The following AP1B1 variants were observed in gnomAD, a reference collection of about 807,000 sequenced individuals.
The protein encoded by AP1B1 is adaptor related protein complex 1 subunit beta 1.
Under a neutral mutation model 104.3 loss-of-function variants are expected in AP1B1, and 36 were observed. The observed-to-expected ratio is 0.35, with a 90% CI of 0.26 to 0.46. AP1B1 has a LOEUF of 0.46. Among genes scored for constraint, AP1B1 ranks in the 20% least tolerant of loss-of-function variants. The probability of loss-of-function intolerance (pLI) is 1.00; values close to 1 mark genes in which losing one functional copy is unlikely to be tolerated. For synonymous variants in AP1B1, 504 were observed against 517.5 expected (o/e 0.97, Z 0.35); for missense variants, 901 against 1,247.9 (o/e 0.72, Z 4.19).
chr22:29,331,549 T>G lies in AP1B1; in HGVS notation c.2440-16A>C, dbSNP rs753734031. The G allele has an allele frequency of 1.2e-6, 2 of 1,613,862 alleles. No individual in the cohort carries two copies. Among genetic ancestry groups the G allele is most frequent in the Non-Finnish European group, 1.7e-6 (2 of 1,179,924 alleles). On this transcript the variant is annotated splice_polypyrimidine_tract_variant and intron_variant, in intron 18 of 22. Transcript: ENST00000357586. ...TCACGGCCACCTAGGCACAAGGGGG[T>G]CCCCAGTCAGTCTCTGGGGCTTGAC...
At chr22:29,336,515 C>A (rs554482911) in intron 16 of AP1B1, among the ~76,000 whole-genome samples, 2 of 152,266 alleles carry the variant, frequency 1.3e-5, no homozygotes, top group Admixed American at 1.3e-4. Flanking sequence ...GTAAGACAAA[C>A]ACATGGCTGG....
Position 29,335,397 on chromosome 22 carries a change from C to G in AP1B1, c.2164-987G>C, listed in dbSNP as rs141802602. 2.5e-3 allele frequency among the ~76,000 whole-genome samples: 377 copies of G among 152,254 alleles called. 13 individuals are homozygous for G. The East Asian group carries it at 0.065, about 26-fold the overall frequency. On this transcript the variant is annotated intron_variant, in intron 16 of 22. Transcript: ENST00000357586. ...GCCAGGCCAGAAACCACAGAAACAT[C>G]AGGCACCAGCCCCCCACCCCACCCT... is the stretch of plus-strand genomic sequence containing the variant.
chr22:29,371,587 C>T (rs562640682), intron 1 of AP1B1, among the ~76,000 whole-genome samples: 106 of 152,114 alleles, frequency 7.0e-4, no homozygotes, highest in Non-Finnish European at 1.2e-3. Flanking sequence ...AAAAATTAGC[C>T]GGGTGTGGTG....
At chr22:29,335,922 C>T (rs2061631495) in intron 16 of AP1B1, among the ~76,000 whole-genome samples, 1 of 152,178 alleles carries the variant, frequency 6.6e-6, no homozygotes, top group Non-Finnish European at 1.5e-5. Context: ...TGAACCTGAC[C>T]GGGGGGCATG....
chr22:29,365,248 C>T (rs2062116195), intron 2 of AP1B1, among the ~76,000 whole-genome samples: 1 of 152,142 alleles, frequency 6.6e-6, no homozygotes, highest in African/African-American at 2.4e-5. Context: ...CTTTGCTTTC[C>T]TAAACCTGTT....
chr22:29,356,415 A>C lies in AP1B1; in HGVS notation c.716+11T>G, dbSNP rs548709451. ...CAAGCTGGGCTGGCAAGCAACGGGC[A>C]GCCCGCTCACCTCTGGGCCTCGCGG... On this transcript the variant is annotated intron_variant, in intron 6 of 22. Transcript: ENST00000357586. The C allele has an allele frequency of 1.0e-5, 16 of 1,601,798 alleles. No homozygotes were observed. In the East Asian group the frequency reaches 3.6e-4, roughly 36 times the overall value.
chr22:29,360,026 C>A, intron 3 of AP1B1, 67 bp from the exon 4 acceptor site: 1 of 1,551,462 alleles, frequency 6.4e-7, no homozygotes, highest in Non-Finnish European at 8.8e-7. Context: ...TTTCAGGCTG[C>A]TAACTAGTGG....
At chr22:29,336,035 G>A (rs2061632985) in intron 16 of AP1B1, among the ~76,000 whole-genome samples, 1 of 152,100 alleles carries the variant, frequency 6.6e-6, no homozygotes, top group Admixed American at 6.5e-5. Context: ...CACTGCTCTT[G>A]GTCACTATGG....
chr22:29,356,676 T>C, intron 5 of AP1B1, 60 bp from the exon 6 acceptor site: 2 of 1,491,594 alleles, frequency 1.3e-6, no homozygotes, highest in Non-Finnish European at 1.9e-6. Context: ...CAGGGGGCAG[T>C]GCATTAATGA....
chr22:29,350,077 G>C lies in AP1B1; in HGVS notation c.1229C>G (p.Ala410Gly). The C allele has an allele frequency of 1.2e-6, 2 of 1,614,182 alleles. No individual in the cohort carries two copies. The highest frequency in any genetic ancestry group is 1.7e-6 in the Non-Finnish European group (2 of 1,180,018). The change falls in exon 10 of 23, where the codon GCC (alanine) becomes GGC (glycine). Residue 410 changes from alanine to glycine, a missense_variant. Coordinates refer to ENST00000357586, the MANE Select transcript of AP1B1 (RefSeq NM_001127.4). ...QTKVNYVVQE[A>G]IVVIKDIFRK... The stretch of plus-strand genomic sequence containing the variant: ...GAAGATGTCCTTGATGACCACGATG[G>C]CCTCCTGGACCACATAGTTGACCTT...
At chr22:29,358,381 C>G (rs1435614751) in intron 5 of AP1B1, among the ~76,000 whole-genome samples, 1 of 152,170 alleles carries the variant, frequency 6.6e-6, no homozygotes, top group East Asian at 1.9e-4. Flanking sequence ...GGAAGGAGGG[C>G]ACTAGTATTG....
At chr22:29,332,112 A>G in intron 17 of AP1B1, 196 bp from the exon 18 acceptor site, 7 of 555,970 alleles carry the variant, frequency 1.3e-5, no homozygotes, top group Non-Finnish European at 2.2e-5. Flanking sequence ...GGACAGAAAG[A>G]AAGAGCCCCA....
intron 11 of AP1B1, among the ~76,000 whole-genome samples, chr22:29,345,587 C>G (rs1308320199): frequency 6.6e-6 from 1 of 151,022 alleles, no homozygotes; most frequent in Non-Finnish European, 1.5e-5. Context: ...CCAGGTTGGT[C>G]TCGAACTCCT....
intron 2 of AP1B1, among the ~76,000 whole-genome samples, chr22:29,366,418 C>G (rs550250463): frequency 2.0e-5 from 3 of 152,178 alleles, no homozygotes; most frequent in African/African-American, 4.8e-5. Flanking sequence ...GGGCGGATCA[C>G]CTGAGGTCAG....
intron 1 of AP1B1, among the ~76,000 whole-genome samples, chr22:29,379,319 A>G (rs954317425): frequency 2.0e-5 from 3 of 152,148 alleles, no homozygotes; most frequent in African/African-American, 7.2e-5. Flanking sequence ...ACAGAGCAAG[A>G]CTCCATCTCA....
intron 6 of AP1B1, 113 bp downstream of exon 6, chr22:29,356,312 TG>T: frequency 1.8e-6 from 2 of 1,131,702 alleles, no homozygotes; most frequent in Non-Finnish European, 1.2e-6. Flanking sequence ...GGGTGGGTTA[TG>T]GGGCAAAGCA....
intron 11 of AP1B1, among the ~76,000 whole-genome samples, chr22:29,347,026 T>G (rs2061804001): frequency 6.6e-6 from 1 of 152,142 alleles, no homozygotes; most frequent in Non-Finnish European, 1.5e-5. Flanking sequence ...GTCCTGGGAC[T>G]TTTGCTGGAA....
chr22:29,356,891 C>CCTGTCT (rs1325094781), intron 5 of AP1B1, among the ~76,000 whole-genome samples: 2 of 152,166 alleles, frequency 1.3e-5, no homozygotes, highest in African/African-American at 4.8e-5. Context: ...CTTCCTAACA[C>CCTGTCT]AGCAGCGCCT....
intron 17 of AP1B1, chr22:29,332,160 C>A: frequency 2.3e-6 from 1 of 434,850 alleles, no homozygotes; most frequent in Non-Finnish European, 4.1e-6. Context: ...TGGCTGCAGG[C>A]CTGAAGCCCA....
Sources: allele counts gnomAD v4.1 joint callset (sites outside exome capture counted in the v4.1 genomes callset), GRCh38; gene constraint gnomAD v4.1.1; transcripts MANE v1.5; gene names NCBI Gene and HGNC (gene_info 2026-07-23, HGNC 2026-07-21).